Variants in ARAP2 observed in about 807,000 individuals in gnomAD.
The protein encoded by ARAP2 is arf-GAP with Rho-GAP domain, ANK repeat and PH domain-containing protein 2.
ARAP2 carries 148 observed loss-of-function variants against 194.5 expected under a neutral mutation model. The ratio of observed to expected loss-of-function variants is 0.76; its 90% CI spans 0.67 to 0.87. ARAP2 has a LOEUF of 0.87. Among genes scored for constraint, ARAP2 ranks in the 40% least tolerant of loss-of-function variants. The probability of loss-of-function intolerance (pLI) is 0.00; values close to 1 mark genes in which losing one functional copy is unlikely to be tolerated. For synonymous variants in ARAP2, 695 were observed against 683.5 expected (o/e 1.02, Z -0.26); for missense variants, 2,128 against 1,989.7 (o/e 1.07, Z -1.32).
At chr4:36,125,860 A>G (rs560240399) in intron 21 of ARAP2, among the ~76,000 whole-genome samples, 1 of 152,192 alleles carries the variant, frequency 6.6e-6, no homozygotes, top group African/African-American at 2.4e-5. Context: ...TCAATTCGCA[A>G]CTATCTTTGG....
intron 5 of ARAP2, among the ~76,000 whole-genome samples, chr4:36,020,274 G>T (rs1176549782): frequency 6.6e-6 from 1 of 152,284 alleles, no homozygotes; most frequent in East Asian, 1.9e-4. Context: ...AGCCAGGTGT[G>T]TTGGTGGATG....
At chr4:36,166,086 T>A (rs558051983) in intron 10 of ARAP2, among the ~76,000 whole-genome samples, 4 of 152,172 alleles carry the variant, frequency 2.6e-5, no homozygotes, top group Non-Finnish European at 5.9e-5. Context: ...AAAATAAAGC[T>A]TGTTAATTTT....
rs1577608781 is a variant in ARAP2 at position 36,035,013 on chromosome 4, C to T, written n.607+10966G>A. On this transcript the variant is annotated intron_variant and non_coding_transcript_variant, in intron 5 of 12. Coordinates refer to the ARAP2 transcript ENST00000503225. ...AATATTTTGCTGAGGACTTTGGCAT[C>T]AAAGTTCATCAAGGATATTGGCCTG... Among the ~76,000 whole-genome samples the T allele has an allele frequency of 4.6e-5, 7 of 152,124 alleles. No individual in the cohort carries two copies. In the South Asian group the frequency reaches 1.5e-3, roughly 32 times the overall value.
rs73806488 is a variant in ARAP2, at chr4:36,125,636, A to G, written c.3641-669T>C. 5.3e-3 allele frequency among the ~76,000 whole-genome samples: 808 copies of G among 152,094 alleles called. 11 individuals are homozygous for G. Among genetic ancestry groups the G allele is most frequent in the African/African-American group, 0.018 (762 of 41,542 alleles). On this transcript the variant is annotated intron_variant, in intron 21 of 32. Coordinates refer to ENST00000303965, the MANE Select transcript of ARAP2 (RefSeq NM_015230.4). ...CAGAAATTTGTTGGTTTATGGAGAGAAGGATGAGAAGGACTTACCCTCCAC... is the reference window on the plus strand; with the variant it reads ...CAGAAATTTGTTGGTTTATGGAGAGGAGGATGAGAAGGACTTACCCTCCAC...
In ARAP2 at chr4:36,210,417, C is replaced by A; in HGVS notation, c.1460G>T (p.Gly487Val). Reference sequence around the variant, plus strand: ...TTGAGGAGAGAGTTTATCCAGCCATCCTGATTTAACCTTCTTTGCAGATGC... The same window carrying A: ...TTGAGGAGAGAGTTTATCCAGCCATACTGATTTAACCTTCTTTGCAGATGC... ...YGASAKKVKS[G>V]WLDKLSPQGK... The change falls in exon 6 of 33, where the codon GGA becomes GTA. Residue 487 changes from glycine to valine, a missense_variant. By Grantham distance (109) the Gly-to-Val change is moderately radical (BLOSUM62 -3). Transcript: ENST00000303965. 1 of 1,612,558 alleles carries A rather than the reference C, an allele frequency of 6.2e-7. No individual in the cohort carries two copies. Among genetic ancestry groups the A allele is most frequent in the Non-Finnish European group, 8.5e-7 (1 of 1,179,280 alleles).
chr4:36,111,130 A>T (rs1719877605), intron 26 of ARAP2, among the ~76,000 whole-genome samples: 1 of 151,958 alleles, frequency 6.6e-6, no homozygotes, highest in South Asian at 2.1e-4. Flanking sequence ...TCTGGCTTAC[A>T]TATTTATAAA....
chr4:36,214,318 G>C, intron 3 of ARAP2, 104 bp downstream of exon 3: 1 of 787,388 alleles, frequency 1.3e-6, no homozygotes, highest in East Asian at 3.0e-5. Context: ...TATTTCCATT[G>C]TTCCCTATAC....
chr4:36,145,982 CAA>C (rs911857156), intron 19 of ARAP2, among the ~76,000 whole-genome samples: 3 of 151,956 alleles, frequency 2.0e-5, no homozygotes, highest in African/African-American at 7.2e-5. Flanking sequence ...ACTTTGCCAC[CAA>C]AGAGACATCT....
At chr4:36,244,054 G>A (rs570996984) in intron 1 of ARAP2, 125 bp downstream of exon 1, 1 of 152,252 alleles carries the variant, frequency 6.6e-6, no homozygotes, top group African/African-American at 2.4e-5. Context: ...CACCAGAGCC[G>A]AGCACTTTGC....
chr4:36,233,629 G>A (rs1309088718), intron 1 of ARAP2, among the ~76,000 whole-genome samples: 11 of 152,138 alleles, frequency 7.2e-5, no homozygotes, highest in South Asian at 4.1e-4. Context: ...ACATAGGCCC[G>A]TGCCCATGTC....
intron 1 of ARAP2, among the ~76,000 whole-genome samples, chr4:36,236,974 T>C (rs904187286): frequency 1.3e-5 from 2 of 152,230 alleles, no homozygotes; most frequent in African/African-American, 4.8e-5. Flanking sequence ...GTCCCTGCAA[T>C]ACACCACTTC....
chr4:36,033,985 T>G (rs1719460808), intron 5 of ARAP2, among the ~76,000 whole-genome samples: 1 of 152,160 alleles, frequency 6.6e-6, no homozygotes, highest in African/African-American at 2.4e-5. Flanking sequence ...CTGGGTTCTC[T>G]ATTCTCTTCC....
intron 19 of ARAP2, among the ~76,000 whole-genome samples, chr4:36,144,607 A>G (rs1300716853): frequency 1.3e-5 from 2 of 151,936 alleles, no homozygotes; most frequent in African/African-American, 2.4e-5. Flanking sequence ...TCTAATCAGC[A>G]ATATGCTCGC....
At chr4:36,079,037 G>A (rs57434716) in intron 31 of ARAP2, among the ~76,000 whole-genome samples, 44,162 of 151,618 alleles carry the variant, frequency 0.29, 6,844 homozygotes, top group South Asian at 0.37. Flanking sequence ...AGCTGGGCAC[G>A]GTGGTGCACG....
chr4:36,068,397 G>T, intron 32 of ARAP2, 119 bp from the exon 33 acceptor site: 9 of 1,128,732 alleles, frequency 8.0e-6, no homozygotes, highest in Non-Finnish European at 1.1e-5. Context: ...TATGACTTAG[G>T]TCCTAACTTT....
At position 36,210,590 on chromosome 4, in the gene ARAP2, A is replaced by G; in HGVS notation, c.1287T>C (p.Asn429=). ...EECFQSLRRK[N]SKASKSRTQK... ...GAGTCCTAGATTTAGATGCCTTTGA[A>G]TTTTTTCTTCTTAAACTCTGAAAGC... The change falls in exon 6 of 33, where the codon AAT becomes AAC. Residue 429 remains asparagine, a synonymous_variant. Transcript: ENST00000303965. The G allele has an allele frequency of 6.2e-7, 1 of 1,613,820 alleles. No homozygotes were observed.
chr4:36,193,514 C>A (rs1207112162), intron 7 of ARAP2, 64 bp downstream of exon 7: 11 of 1,116,206 alleles, frequency 9.9e-6, no homozygotes, highest in Non-Finnish European at 1.4e-5. Context: ...AACCAAACTG[C>A]TTGCTTATTT....
intron 6 of ARAP2, among the ~76,000 whole-genome samples, chr4:36,017,589 C>CAAAAAAAAAAAAAAAAAAAAAA (rs1252307818): frequency 4.8e-5 from 1 of 20,958 alleles, no homozygotes; most frequent in African/African-American, 2.4e-4. Flanking sequence ...AAAAAAAAAG[C>CAAAAAAAAAAAAAAAAAAAAAA]TTTCTGTGGA....
intron 2 of ARAP2, among the ~76,000 whole-genome samples, chr4:36,055,481 C>G (rs1723334977): frequency 6.6e-6 from 1 of 152,162 alleles, no homozygotes; most frequent in Admixed American, 6.5e-5. Flanking sequence ...TGTCTAATTT[C>G]CTGATTCAAC....
Sources: gnomAD v4.1 joint callset for allele counts (sites outside exome capture counted in the v4.1 genomes callset) on GRCh38, gnomAD v4.1.1 for gene constraint, MANE v1.5 for transcripts, NCBI Gene and HGNC (gene_info 2026-07-23, HGNC 2026-07-21) for gene names.